Variants in SESN2 observed in about 807,000 individuals in gnomAD.
The protein encoded by SESN2 is sestrin 2.
A neutral mutation model predicts 56.0 loss-of-function variants in SESN2; 42 were observed. The ratio of observed to expected loss-of-function variants is 0.75; its 90% CI spans 0.59 to 0.97. The LOEUF is 0.97. Ranked by LOEUF, SESN2 falls within the 50% of genes least tolerant of loss-of-function variation. The probability of loss-of-function intolerance (pLI) is 0.00; values close to 1 mark genes in which losing one functional copy is unlikely to be tolerated. For synonymous variants in SESN2, 264 were observed against 267.1 expected, an observed-to-expected ratio of 0.99 and a Z score of 0.11; for missense variants, 507 against 649.4, an observed-to-expected ratio of 0.78 and a Z score of 2.38.
At chr1:28,270,591 A>G (rs1473036015) in intron 2 of SESN2, among the ~76,000 whole-genome samples, 2 of 150,778 alleles carry the variant, frequency 1.3e-5, no homozygotes, top group African/African-American at 4.9e-5. Context: ...TTTTTTTTGA[A>G]ACGAAGTTTT....
chr1:28,279,994 C>T (rs1648178967), intron 9 of SESN2, among the ~76,000 whole-genome samples: 1 of 152,066 alleles, frequency 6.6e-6, no homozygotes, highest in Non-Finnish European at 1.5e-5. Context: ...CTGAGGTACA[C>T]ACCACCTGAT....
At chr1:28,265,350 G>A (rs67385476) in intron 1 of SESN2, among the ~76,000 whole-genome samples, 1,523 of 152,214 alleles carry the variant, frequency 0.01, 20 homozygotes, top group African/African-American at 0.024. Flanking sequence ...CTTTATACTC[G>A]CGTTCCCTCT....
chr1:28,281,629 A>G lies in SESN2; in HGVS notation c.*827A>G, dbSNP rs1456069307. The G allele has an allele frequency of 6.6e-6, 1 of 152,242 alleles. No individual in the cohort carries two copies. Among genetic ancestry groups the G allele is most frequent in the Non-Finnish European group, 1.5e-5 (1 of 68,078 alleles). 9.4% of individuals were successfully genotyped at this position (152,242 alleles called of 1,614,324 possible). A position where few individuals can be genotyped will look rare whatever the true frequency, so the allele number is the denominator to read the frequency against. On this transcript the variant is annotated 3_prime_UTR_variant, in exon 10 of 10. Transcript: ENST00000253063. ...AGGAGAGGGAGAATTCTGTTCTCCC[A>G]GAGCTGCACCTGCCTCGCAGAGGCC...
intron 1 of SESN2, among the ~76,000 whole-genome samples, chr1:28,262,103 T>A (rs1202866525): frequency 6.6e-6 from 1 of 152,126 alleles, no homozygotes; most frequent in Non-Finnish European, 1.5e-5. Context: ...TTCTGTGTAT[T>A]CCTCTCTCGA....
At chr1:28,269,134 T>C (rs201036515) in intron 1 of SESN2, 49 bp from the exon 2 acceptor site, 208 of 1,393,998 alleles carry the variant, frequency 1.5e-4, no homozygotes, top group Non-Finnish European at 2.0e-4. Flanking sequence ...GTAATAATCC[T>C]CTTTATTCTC....
At chr1:28,265,512 G>GC (rs1199832676) in intron 1 of SESN2, among the ~76,000 whole-genome samples, 4 of 152,216 alleles carry the variant, frequency 2.6e-5, no homozygotes, top group African/African-American at 7.2e-5. Context: ...TCCTGCCTCA[G>GC]CCCCCCGAGT....
chr1:28,259,956 A>G lies in SESN2; in HGVS notation c.90+19A>G. The G allele has an allele frequency of 6.7e-7, 1 of 1,491,000 alleles. No homozygotes were observed. Among genetic ancestry groups the G allele is most frequent in the Middle Eastern group, 2.3e-4 (1 of 4,420 alleles). The allele number at this position is 1,491,000 out of a possible 1,614,324, so 92.4% of individuals were successfully genotyped here. A position where few individuals can be genotyped will look rare whatever the true frequency, so the allele number is the denominator to read the frequency against. ...CGGAGAGGTAAGCGGCGGCCGCGCG[A>G]CGCCCCTCTTCCCTGGAACCCCGAA... On this transcript the variant is annotated intron_variant, in intron 1 of 9. Coordinates refer to ENST00000253063, the MANE Select transcript of SESN2 (RefSeq NM_031459.5).
chr1:28,260,820 A>T (rs1361641163), intron 1 of SESN2, among the ~76,000 whole-genome samples: 1 of 152,072 alleles, frequency 6.6e-6, no homozygotes, highest in East Asian at 1.9e-4. Flanking sequence ...TACCAGCAGC[A>T]GCGATAATGG....
chr1:28,275,846 G>A (rs2089246), intron 8 of SESN2, among the ~76,000 whole-genome samples: 4 of 152,118 alleles, frequency 2.6e-5, no homozygotes, highest in Non-Finnish European at 5.9e-5. Flanking sequence ...TTGAGACCAG[G>A]AGTTCAAGAC....
intron 7 of SESN2, 96 bp downstream of exon 7, chr1:28,274,254 G>T: frequency 1.2e-6 from 1 of 823,410 alleles, no homozygotes; most frequent in Non-Finnish European, 2.1e-6. Flanking sequence ...GTACCCAGCT[G>T]GGCATGGTAG....
rs1488919449 is a variant in SESN2, at chr1:28,281,122, C to A, written c.*320C>A. The A allele has an allele frequency of 1.1e-5, 3 of 263,240 alleles. No homozygotes were observed. The highest frequency in any genetic ancestry group is 2.2e-5 in the Non-Finnish European group (3 of 138,274). The allele number at this position is 263,240 out of a possible 1,614,324, so 16.3% of individuals were successfully genotyped here. A position where few individuals can be genotyped will look rare whatever the true frequency, so the allele number is the denominator to read the frequency against. The stretch of plus-strand genomic sequence containing the variant: ...CCGGGCCAAGCTCGGAATTAATGTG[C>A]CACAAGTGTTGTGGCCTTCCTGAAC... On this transcript the variant is annotated 3_prime_UTR_variant, in exon 10 of 10. Coordinates refer to ENST00000253063, the MANE Select transcript of SESN2 (RefSeq NM_031459.5).
rs1318108600 is a variant in SESN2 at position 28,259,957 on chromosome 1, C to G, written c.90+20C>G. The G allele has an allele frequency of 6.7e-7, 1 of 1,488,206 alleles. No homozygotes were observed. The highest frequency in any genetic ancestry group is 2.1e-5 in the Admixed American group (1 of 46,728). The allele number at this position is 1,488,206 out of a possible 1,614,324, so 92.2% of individuals were successfully genotyped here. A position where few individuals can be genotyped will look rare whatever the true frequency, so the allele number is the denominator to read the frequency against. On this transcript the variant is annotated intron_variant, in intron 1 of 9. Transcript: ENST00000253063. ...GGAGAGGTAAGCGGCGGCCGCGCGA[C>G]GCCCCTCTTCCCTGGAACCCCGAAC...
intron 1 of SESN2, among the ~76,000 whole-genome samples, chr1:28,264,326 A>C (rs1167656647): frequency 6.6e-6 from 1 of 152,060 alleles, no homozygotes; most frequent in African/African-American, 2.4e-5. Context: ...CTCAAAGAAA[A>C]AAAGAAAAAA....
chr1:28,276,570 CTTTTTTTTTT>C (rs57474365), intron 8 of SESN2, among the ~76,000 whole-genome samples: 3 of 94,734 alleles, frequency 3.2e-5, no homozygotes, highest in African/African-American at 1.4e-4. Flanking sequence ...TTTTTCTTTC[CTTTTTTTTTT>C]TTTTTTTTTT....
Position 28,259,757 on chromosome 1 carries a change from C to A in SESN2, c.-91C>A. 1.0e-6 allele frequency: 1 copy of A among 992,626 alleles called. No individual in the cohort carries two copies. The highest frequency in any genetic ancestry group is 1.4e-6 in the Non-Finnish European group (1 of 730,352). The allele number at this position is 992,626 out of a possible 1,614,324, so 61.5% of individuals were successfully genotyped here. A position where few individuals can be genotyped will look rare whatever the true frequency, so the allele number is the denominator to read the frequency against. On this transcript the variant is annotated 5_prime_UTR_variant, in exon 1 of 10. Coordinates refer to ENST00000253063, the MANE Select transcript of SESN2 (RefSeq NM_031459.5). ...CGGGGTTCTAGAAGCTCCCCGGCGG[C>A]GCCCAGTCCCGGCTTCATTCGGGCG...
intron 8 of SESN2, among the ~76,000 whole-genome samples, chr1:28,276,570 CTTTTTT>C (rs57474365): frequency 5.1e-4 from 48 of 94,728 alleles, no homozygotes; most frequent in Non-Finnish European, 8.9e-4. Context: ...TTTTTCTTTC[CTTTTTT>C]TTTTTTTTTT....
intron 8 of SESN2, among the ~76,000 whole-genome samples, chr1:28,275,899 T>C (rs1648021455): frequency 6.6e-6 from 1 of 151,712 alleles, no homozygotes; most frequent in African/African-American, 2.4e-5. Flanking sequence ...TACAAAAAAT[T>C]AAAAAATTTG....
Position 28,271,828 on chromosome 1 carries a change from A to T in SESN2, c.311A>T (p.Asp104Val). The T allele has an allele frequency of 6.2e-7, 1 of 1,614,096 alleles. No homozygotes were observed. Among genetic ancestry groups the T allele is most frequent in the Non-Finnish European group, 8.5e-7 (1 of 1,180,008 alleles). The change falls in exon 3 of 10, where the codon GAT becomes GTT. Residue 104 changes from aspartate to valine, a missense_variant. Asp to Val is a radical substitution (Grantham distance 152). Coordinates refer to ENST00000253063, the MANE Select transcript of SESN2 (RefSeq NM_031459.5). Reference protein sequence around the residue: ...WRLHYLLLHTDGPLASSWRHY... With the variant: ...WRLHYLLLHTVGPLASSWRHY... ...CTGCACTACCTGCTGCTGCACACGGATGGTCCCTTGGCCAGCTCCTGGCGC... is the reference window on the plus strand; with the variant it reads ...CTGCACTACCTGCTGCTGCACACGGTTGGTCCCTTGGCCAGCTCCTGGCGC...
intron 1 of SESN2, among the ~76,000 whole-genome samples, chr1:28,266,287 A>T (rs1325416865): frequency 6.6e-6 from 1 of 152,196 alleles, no homozygotes; most frequent in African/African-American, 2.4e-5. Flanking sequence ...AGCTTCTCAA[A>T]GGATTCTAAT....
Sources: gnomAD v4.1 joint callset for allele counts (sites outside exome capture counted in the v4.1 genomes callset) on GRCh38, gnomAD v4.1.1 for gene constraint, MANE v1.5 for transcripts, NCBI Gene and HGNC (gene_info 2026-07-23, HGNC 2026-07-21) for gene names.